EPHB1: variants seen among roughly 807,000 people sequenced by gnomAD.
EPHB1 encodes the protein ephrin type-B receptor 1.
Under a neutral mutation model 94.4 loss-of-function variants are expected in EPHB1, and 30 were observed. That is an observed-to-expected ratio of 0.32 (90% CI 0.24 to 0.43). EPHB1 has a LOEUF of 0.43. Among genes scored for constraint, EPHB1 ranks in the 20% least tolerant of loss-of-function variants. The pLI is 1.00. For missense variants in EPHB1, 1,055 were observed against 1,308.3 expected (o/e 0.81, Z 2.99); for synonymous variants, 522 against 489.1 (o/e 1.07, Z -0.89).
intron 3 of EPHB1, among the ~76,000 whole-genome samples, chr3:134,982,165 C>T (rs969448471): frequency 2.6e-5 from 4 of 152,124 alleles, no homozygotes; most frequent in African/African-American, 2.4e-5. Context: ...TTAATGCTCA[C>T]GCAATTTTTT....
chr3:134,988,635 A>C (rs1009809466), intron 3 of EPHB1, among the ~76,000 whole-genome samples: 3 of 152,164 alleles, frequency 2.0e-5, no homozygotes, highest in African/African-American at 7.2e-5. Flanking sequence ...TGCCCATGAG[A>C]GATACATGGT....
At chr3:134,828,699 A>G (rs905483176) in intron 1 of EPHB1, among the ~76,000 whole-genome samples, 6 of 152,184 alleles carry the variant, frequency 3.9e-5, no homozygotes, top group African/African-American at 1.4e-4. Flanking sequence ...CCTTTGAGGG[A>G]CACTTGGGGA....
chr3:134,888,037 G>T (rs1384754654), intron 1 of EPHB1, among the ~76,000 whole-genome samples: 5 of 152,200 alleles, frequency 3.3e-5, no homozygotes, highest in Non-Finnish European at 7.3e-5. Flanking sequence ...GGAGCGAGGG[G>T]TCAGTGTGTA....
At chr3:135,109,633 A>G (rs943511314) in intron 4 of EPHB1, among the ~76,000 whole-genome samples, 6 of 152,226 alleles carry the variant, frequency 3.9e-5, no homozygotes, top group Non-Finnish European at 8.8e-5. Context: ...TCACAGCAGA[A>G]TCCATGATAT....
intron 1 of EPHB1, among the ~76,000 whole-genome samples, chr3:134,862,902 G>A (rs956687319): frequency 2.1e-4 from 32 of 152,194 alleles, no homozygotes; most frequent in African/African-American, 7.2e-4. Context: ...TGTGTGCCAC[G>A]CCTGGAATGT....
At chr3:134,882,754 C>T (rs1395363155) in intron 1 of EPHB1, among the ~76,000 whole-genome samples, 6 of 31,342 alleles carry the variant, frequency 1.9e-4, no homozygotes, top group Admixed American at 1.4e-3. Context: ...TTCTTCCTTT[C>T]TTCCTTCCTT....
chr3:135,036,976 C>T (rs1936665098), intron 3 of EPHB1, among the ~76,000 whole-genome samples: 1 of 151,998 alleles, frequency 6.6e-6, no homozygotes. Flanking sequence ...GTGGGCAGGA[C>T]CAGAGCAATG....
chr3:134,976,684 C>T lies in EPHB1; in HGVS notation c.805+24632C>T, dbSNP rs143111395. 4.7e-4 allele frequency among the ~76,000 whole-genome samples: 71 copies of T among 152,228 alleles called. No individual in the cohort carries two copies. The East Asian group carries it at 8.7e-3, about 19-fold the overall frequency. On this transcript the variant is annotated intron_variant, in intron 3 of 15. Transcript: ENST00000398015. ...TCTTCTGTGATGCCACATATTCTTC[C>T]ATAAACAACCTTATATGCAAAACTG...
intron 15 of EPHB1, among the ~76,000 whole-genome samples, chr3:135,257,187 T>A (rs2107735428): frequency 6.6e-6 from 1 of 152,090 alleles, no homozygotes; most frequent in East Asian, 1.9e-4. Flanking sequence ...TCAGAGTAAT[T>A]TGATCGTCTG....
chr3:134,799,980 T>C (rs2035906259), intron 1 of EPHB1, among the ~76,000 whole-genome samples: 1 of 152,182 alleles, frequency 6.6e-6, no homozygotes, highest in African/African-American at 2.4e-5. Flanking sequence ...AGAAACTACA[T>C]GTTCTTTAGT....
chr3:135,087,904 A>G (rs1013344879), intron 3 of EPHB1, among the ~76,000 whole-genome samples: 4 of 152,084 alleles, frequency 2.6e-5, no homozygotes, highest in African/African-American at 9.7e-5. Context: ...GTAAGGATGA[A>G]TTTGCCTTTC....
At chr3:135,132,577 A>G (rs72977587) in intron 4 of EPHB1, 137 bp from the exon 5 acceptor site, 1 of 688,702 alleles carries the variant, frequency 1.5e-6, no homozygotes, top group Non-Finnish European at 2.4e-6. Flanking sequence ...GAATTGAAGC[A>G]TAGCCATTTG....
chr3:135,127,567 C>T (rs1206610252), intron 4 of EPHB1, among the ~76,000 whole-genome samples: 1 of 152,126 alleles, frequency 6.6e-6, no homozygotes, highest in Admixed American at 6.5e-5. Context: ...ATTCTGAGAC[C>T]AGAAGGTTAG....
intron 12 of EPHB1, among the ~76,000 whole-genome samples, chr3:135,234,359 A>G (rs568232143): frequency 6.6e-6 from 1 of 150,602 alleles, no homozygotes; most frequent in East Asian, 2.1e-4. Context: ...CTTAGCCTGG[A>G]CTTCGCTGTC....
At chr3:135,098,830 G>A (rs1320138593) in intron 3 of EPHB1, among the ~76,000 whole-genome samples, 4 of 151,836 alleles carry the variant, frequency 2.6e-5, no homozygotes, top group East Asian at 3.9e-4. Context: ...TGGCCAACAC[G>A]GTAAAACCCC....
At position 135,097,489 on chromosome 3, in the gene EPHB1, C is replaced by T. The variant is rs145364554; in HGVS notation, c.806-8959C>T. Among the ~76,000 whole-genome samples the T allele has an allele frequency of 1.3e-3, 202 of 152,270 alleles. 2 individuals are homozygous for T. The highest frequency in any genetic ancestry group is 4.3e-3 in the African/African-American group (179 of 41,556). On this transcript the variant is annotated intron_variant, in intron 3 of 15. Coordinates refer to ENST00000398015, the MANE Select transcript of EPHB1 (RefSeq NM_004441.5). ...CTTGAGACACTGCTCTTCTGTTTGTCACCCTTCAGTCCTGACCAGTGATCT... is the reference window on the plus strand; with the variant it reads ...CTTGAGACACTGCTCTTCTGTTTGTTACCCTTCAGTCCTGACCAGTGATCT...
At chr3:135,257,774 A>G (rs1385754535) in intron 15 of EPHB1, among the ~76,000 whole-genome samples, 9 of 151,612 alleles carry the variant, frequency 5.9e-5, no homozygotes, top group African/African-American at 2.2e-4. Flanking sequence ...TTGTTTACCT[A>G]AGCAAGCCTG....
At chr3:135,054,296 C>T (rs990988575) in intron 3 of EPHB1, among the ~76,000 whole-genome samples, 15 of 152,194 alleles carry the variant, frequency 9.9e-5, no homozygotes, top group African/African-American at 2.6e-4. Context: ...GTAACTCTTC[C>T]CTGGGTCTTC....
intron 4 of EPHB1, among the ~76,000 whole-genome samples, chr3:135,129,238 C>T (rs1014312810): frequency 6.6e-6 from 1 of 152,134 alleles, no homozygotes; most frequent in African/African-American, 2.4e-5. Flanking sequence ...ACTGCATTTC[C>T]TCCTGAGCAG....
Sources: allele counts gnomAD v4.1 joint callset (sites outside exome capture counted in the v4.1 genomes callset), GRCh38; gene constraint gnomAD v4.1.1; transcripts MANE v1.5; gene names NCBI Gene and HGNC (gene_info 2026-07-23, HGNC 2026-07-21).